FAT3: variants seen among roughly 807,000 people sequenced by gnomAD.
FAT3 encodes FAT atypical cadherin 3.
FAT3 carries 95 observed loss-of-function variants against 310.2 expected under a neutral mutation model. The ratio of observed to expected loss-of-function variants is 0.31; its 90% CI spans 0.26 to 0.36. The LOEUF (loss-of-function observed/expected upper bound fraction) is 0.36, where lower values mean the gene tolerates loss of function less well. FAT3 is among the 10% of genes least tolerant of loss of function. The pLI is 1.00. For synonymous variants in FAT3, 2,314 were observed against 2,192.9 expected (o/e 1.06, Z -1.54); for missense variants, 5,408 against 5,715.6 (o/e 0.95, Z 1.74).
At chr11:92,253,411 T>C (rs1865204375) in intron 1 of FAT3, among the ~76,000 whole-genome samples, 1 of 152,090 alleles carries the variant, frequency 6.6e-6, no homozygotes, top group Admixed American at 6.6e-5. Context: ...GCCCTCTTCT[T>C]TTTGGAGGTT....
At chr11:92,889,542 A>C (rs1949869024) in intron 26 of FAT3, among the ~76,000 whole-genome samples, 1 of 152,212 alleles carries the variant, frequency 6.6e-6, no homozygotes. Context: ...ACATGTGTTC[A>C]TTGAGCACCT....
intron 2 of FAT3, among the ~76,000 whole-genome samples, chr11:92,372,620 A>G (rs895951298): frequency 1.3e-5 from 2 of 151,872 alleles, no homozygotes; most frequent in African/African-American, 4.8e-5. Flanking sequence ...TACAAAGAGG[A>G]AAAGTAGCAG....
intron 3 of FAT3, among the ~76,000 whole-genome samples, chr11:92,622,300 A>G (rs1052205805): frequency 6.6e-6 from 1 of 152,144 alleles, no homozygotes; most frequent in Admixed American, 6.6e-5. Context: ...AAATGGTGGA[A>G]CATAATTATG....
Position 92,745,976 on chromosome 11 carries a change from T to C in FAT3, c.3670-15880T>C, listed in dbSNP as rs1351585008. On this transcript the variant is annotated intron_variant, in intron 4 of 27. Transcript: ENST00000525166. ...CTCCTGGTGCTTCCCAATAATGCAA[T>C]GTCTTTGGACAAAGAGAAAGCTCAC... is the stretch of plus-strand genomic sequence containing the variant. Among the ~76,000 whole-genome samples, 5 of 152,328 alleles carry C rather than the reference T, an allele frequency of 3.3e-5. No homozygotes were observed. The East Asian group carries it at 5.8e-4, about 18-fold the overall frequency.
chr11:92,249,607 G>T (rs1345736864), intron 1 of FAT3, among the ~76,000 whole-genome samples: 1 of 152,092 alleles, frequency 6.6e-6, no homozygotes, highest in Non-Finnish European at 1.5e-5. Context: ...ACTTGAGAGT[G>T]CTGGGAAAGA....
chr11:92,861,092 C>T (rs964117692), intron 21 of FAT3, among the ~76,000 whole-genome samples: 4 of 152,292 alleles, frequency 2.6e-5, no homozygotes, highest in East Asian at 1.9e-4. Context: ...CTTCTGGCCC[C>T]GGAAGCAGCA....
chr11:92,246,525 A>G (rs571162165), intron 1 of FAT3, among the ~76,000 whole-genome samples: 21 of 152,190 alleles, frequency 1.4e-4, no homozygotes, highest in Non-Finnish European at 2.2e-4. Flanking sequence ...TCTAAGACAA[A>G]GAGGGGATAT....
At chr11:92,547,911 G>T (rs1182618783) in intron 3 of FAT3, among the ~76,000 whole-genome samples, 1 of 152,142 alleles carries the variant, frequency 6.6e-6, no homozygotes, top group Non-Finnish European at 1.5e-5. Flanking sequence ...CAGAGGCTCT[G>T]GGGGGCACAT....
intron 2 of FAT3, among the ~76,000 whole-genome samples, chr11:92,473,975 T>A (rs1451674708): frequency 5.9e-5 from 9 of 152,150 alleles, no homozygotes; most frequent in Admixed American, 5.9e-4. Context: ...AGCCTTCCTA[T>A]GGAGCTGAGA....
chr11:92,386,318 C>T (rs11019943), intron 2 of FAT3, among the ~76,000 whole-genome samples: 11,751 of 152,138 alleles, frequency 0.077, 657 homozygotes, highest in African/African-American at 0.15. Context: ...ATTTCAGTTG[C>T]CTTGCTGATA....
chr11:92,288,949 C>T (rs765227872), intron 1 of FAT3, among the ~76,000 whole-genome samples: 2 of 152,060 alleles, frequency 1.3e-5, no homozygotes, highest in South Asian at 4.1e-4. Flanking sequence ...CCTTCTATTC[C>T]TTGTGAATGT....
intron 2 of FAT3, among the ~76,000 whole-genome samples, chr11:92,443,934 C>G (rs1951144927): frequency 6.6e-6 from 1 of 152,084 alleles, no homozygotes; most frequent in Non-Finnish European, 1.5e-5. Flanking sequence ...TAATTTAAAA[C>G]TTAAAACACC....
rs770128045 is a variant in FAT3, at chr11:92,892,058, C to A, written c.*945C>A. The A allele has an allele frequency of 1.3e-5, 2 of 152,088 alleles. No homozygotes were observed. Among genetic ancestry groups the A allele is most frequent in the Non-Finnish European group, 2.9e-5 (2 of 68,044 alleles). 9.4% of individuals were successfully genotyped at this position (152,088 alleles called of 1,614,324 possible). On this transcript the variant is annotated 3_prime_UTR_variant, in exon 28 of 28. Coordinates refer to ENST00000525166, the MANE Select transcript of FAT3 (RefSeq NM_001367949.2). The stretch of plus-strand genomic sequence containing the variant: ...TCAAAGTTTGCGGCCTAGATAATCA[C>A]AATTCTTCATAATGCAGAGGAAAGG...
In FAT3 at chr11:92,810,239, A is replaced by G. The variant is rs374508149; in HGVS notation, c.9481+163A>G. Reference sequence around the variant, plus strand: ...CAGCTATTCAGCTAATACACTTCATATGCATGAGAAAAGTCTGCAAGTTGG... The same window carrying G: ...CAGCTATTCAGCTAATACACTTCATGTGCATGAGAAAAGTCTGCAAGTTGG... On this transcript the variant is annotated intron_variant, in intron 13 of 27. Coordinates refer to ENST00000525166, the MANE Select transcript of FAT3 (RefSeq NM_001367949.2). 6.6e-5 allele frequency among the ~76,000 whole-genome samples: 10 copies of G among 152,324 alleles called. No individual in the cohort carries two copies. In the East Asian group the frequency reaches 1.5e-3, roughly 24 times the overall value.
chr11:92,578,864 G>C (rs763490779), intron 3 of FAT3, among the ~76,000 whole-genome samples: 1 of 151,974 alleles, frequency 6.6e-6, no homozygotes, highest in Non-Finnish European at 1.5e-5. Context: ...CCCCATGATC[G>C]TCTAATATAT....
chr11:92,488,656 C>T (rs1014949342), intron 2 of FAT3, among the ~76,000 whole-genome samples: 2 of 151,992 alleles, frequency 1.3e-5, no homozygotes, highest in Non-Finnish European at 2.9e-5. Flanking sequence ...TGCCTAGAAC[C>T]ATCCCCCAGG....
chr11:92,571,538 C>G (rs1340873526), intron 3 of FAT3, among the ~76,000 whole-genome samples: 1 of 152,202 alleles, frequency 6.6e-6, no homozygotes, highest in Non-Finnish European at 1.5e-5. Flanking sequence ...CCATTAGCAC[C>G]TCACTTCTCT....
chr11:92,795,966 T>C (rs1463898204), intron 9 of FAT3, among the ~76,000 whole-genome samples: 4 of 152,058 alleles, frequency 2.6e-5, no homozygotes, highest in Non-Finnish European at 4.4e-5. Flanking sequence ...ATCCCCACCA[T>C]AATCTATCTT....
At chr11:92,313,301 T>C (rs1342617826) in intron 1 of FAT3, among the ~76,000 whole-genome samples, 1 of 152,170 alleles carries the variant, frequency 6.6e-6, no homozygotes, top group East Asian at 1.9e-4. Context: ...CTACCAACTT[T>C]CTGTCTGATT....
Sources: gnomAD v4.1 joint callset for allele counts (sites outside exome capture counted in the v4.1 genomes callset) on GRCh38, gnomAD v4.1.1 for gene constraint, MANE v1.5 for transcripts, NCBI Gene and HGNC (gene_info 2026-07-23, HGNC 2026-07-21) for gene names.